Variants in GAB1 observed in about 807,000 individuals in gnomAD.
GAB1 encodes GRB2 associated binding protein 1.
GAB1 carries 19 observed loss-of-function variants against 66.5 expected under a neutral mutation model. The observed-to-expected ratio is 0.29, with a 90% CI of 0.20 to 0.42. The LOEUF is 0.42. Ranked by LOEUF, GAB1 falls within the 10% of genes least tolerant of loss-of-function variation. The probability of loss-of-function intolerance (pLI) is 1.00; values close to 1 mark genes in which losing one functional copy is unlikely to be tolerated. For missense variants in GAB1, 732 were observed against 858.5 expected (o/e 0.85, Z 1.84); for synonymous variants, 294 against 301.4 (o/e 0.98, Z 0.25).
chr4:143,438,271 C>T lies in GAB1; in HGVS notation c.866C>T (p.Thr289Ile). 6.2e-7 allele frequency: 1 copy of T among 1,613,936 alleles called. No homozygotes were observed. Among genetic ancestry groups the T allele is most frequent in the Non-Finnish European group, 8.5e-7 (1 of 1,179,888 alleles). ...EADGELYVFN[T>I]PSGTSSVETQ... ...GATGGAGAACTCTATGTTTTTAATACCCCATCTGGGACATCGAGTGTAGAG... is the reference window on the plus strand; with the variant it reads ...GATGGAGAACTCTATGTTTTTAATATCCCATCTGGGACATCGAGTGTAGAG... The change falls in exon 4 of 10, where the codon ACC becomes ATC. Residue 289 changes from threonine to isoleucine, a missense_variant. Physicochemically the swap from Thr to Ile is moderately conservative, Grantham distance 89. Coordinates refer to ENST00000262994, the MANE Select transcript of GAB1 (RefSeq NM_002039.4).
intron 1 of GAB1, among the ~76,000 whole-genome samples, chr4:143,387,402 A>G (rs1318281821): frequency 2.0e-5 from 3 of 152,212 alleles, no homozygotes; most frequent in Non-Finnish European, 1.5e-5. Context: ...AAGCACTGGG[A>G]TAACAGGCGT....
rs990609934 is a variant in GAB1 at position 143,473,456 on chromosome 4, T to A, written c.*4267T>A. 1 of 152,182 alleles carries A rather than the reference T, an allele frequency of 6.6e-6. No individual in the cohort carries two copies. Among genetic ancestry groups the A allele is most frequent in the Non-Finnish European group, 1.5e-5 (1 of 68,032 alleles). 9.4% of individuals were successfully genotyped at this position (152,182 alleles called of 1,614,324 possible). Reference sequence around the variant, plus strand: ...TGCTTCCCAGTCCCACCTCTATATGTCACTCATTTTCTGCAACAAAGATCT... The same window carrying A: ...TGCTTCCCAGTCCCACCTCTATATGACACTCATTTTCTGCAACAAAGATCT... On this transcript the variant is annotated 3_prime_UTR_variant, in exon 10 of 10. Transcript: ENST00000262994.
intron 8 of GAB1, among the ~76,000 whole-genome samples, chr4:143,464,600 A>G (rs1030642274): frequency 1.9e-4 from 29 of 152,152 alleles, no homozygotes; most frequent in Admixed American, 1.8e-3. Context: ...TGTTTCTTCA[A>G]GTAGGAATAT....
intron 1 of GAB1, among the ~76,000 whole-genome samples, chr4:143,386,618 G>C (rs1730929864): frequency 6.6e-6 from 1 of 152,094 alleles, no homozygotes; most frequent in Admixed American, 6.6e-5. Flanking sequence ...AAACTTCTGG[G>C]CTCAAGCAAT....
chr4:143,381,547 G>C (rs561172021), intron 1 of GAB1, among the ~76,000 whole-genome samples: 1 of 152,270 alleles, frequency 6.6e-6, no homozygotes, highest in African/African-American at 2.4e-5. Flanking sequence ...TTCCTTATCT[G>C]TAAACTGAGA....
intron 2 of GAB1, among the ~76,000 whole-genome samples, chr4:143,419,513 A>G (rs1732898889): frequency 6.6e-6 from 1 of 152,090 alleles, no homozygotes; most frequent in Non-Finnish European, 1.5e-5. Flanking sequence ...CATGGTTGGG[A>G]AAGGGTTGTA....
chr4:143,368,843 G>A (rs1259587634), intron 1 of GAB1, among the ~76,000 whole-genome samples: 2 of 151,994 alleles, frequency 1.3e-5, no homozygotes, highest in African/African-American at 2.4e-5. Flanking sequence ...GGAGCACTAT[G>A]GCGCCATCTT....
intron 1 of GAB1, among the ~76,000 whole-genome samples, chr4:143,371,057 T>C (rs1374908849): frequency 2.0e-5 from 3 of 152,228 alleles, no homozygotes; most frequent in African/African-American, 7.2e-5. Flanking sequence ...CCTTTGGGTA[T>C]ATACCCAGTA....
chr4:143,342,951 A>T lies in GAB1; in HGVS notation c.72+5691A>T, dbSNP rs183309065. ...ACAGCCAGAAGGAGCATTGTAGTAG[A>T]TGGGCTACTACTTTACTTTTGAAGA... On this transcript the variant is annotated intron_variant, in intron 1 of 9. Transcript: ENST00000262994. Among the ~76,000 whole-genome samples the T allele has an allele frequency of 3.1e-3, 467 of 152,246 alleles. 5 individuals carry two copies. Among genetic ancestry groups the T allele is most frequent in the Non-Finnish European group, 3.2e-3 (216 of 68,014 alleles).
intron 2 of GAB1, chr4:143,425,392 GGA>G: frequency 5.3e-6 from 4 of 759,446 alleles, no homozygotes; most frequent in Non-Finnish European, 9.6e-6. Context: ...CAGCCTTCTG[GGA>G]GCCATGGCTT....
At chr4:143,432,519 T>G (rs913114926) in intron 2 of GAB1, among the ~76,000 whole-genome samples, 1 of 152,174 alleles carries the variant, frequency 6.6e-6, no homozygotes, top group African/African-American at 2.4e-5. Context: ...GGGGTCTTTC[T>G]AACAGATTGA....
chr4:143,378,441 AATT>A (rs1730507092), intron 1 of GAB1, among the ~76,000 whole-genome samples: 1 of 152,184 alleles, frequency 6.6e-6, no homozygotes, highest in Non-Finnish European at 1.5e-5. Context: ...TTCTTTTCTT[AATT>A]ATGAAAATCT....
At chr4:143,420,714 G>A (rs1732965801) in intron 2 of GAB1, among the ~76,000 whole-genome samples, 1 of 152,042 alleles carries the variant, frequency 6.6e-6, no homozygotes, top group Non-Finnish European at 1.5e-5. Context: ...TGCAGGATTA[G>A]AAAGTTGCCT....
intron 6 of GAB1, among the ~76,000 whole-genome samples, chr4:143,448,152 G>T (rs1194750509): frequency 1.3e-5 from 2 of 151,854 alleles, no homozygotes; most frequent in African/African-American, 4.9e-5. Context: ...ACTTGATCAT[G>T]GTGGATAAGC....
At chr4:143,392,945 A>G (rs777805213) in intron 1 of GAB1, among the ~76,000 whole-genome samples, 22 of 152,248 alleles carry the variant, frequency 1.4e-4, no homozygotes, top group Non-Finnish European at 2.2e-4. Flanking sequence ...TGATAGCAGT[A>G]CCTTTTTCAT....
chr4:143,353,659 A>G (rs1729319709), intron 1 of GAB1, among the ~76,000 whole-genome samples: 1 of 149,534 alleles, frequency 6.7e-6, no homozygotes, highest in African/African-American at 2.5e-5. Context: ...GTAACCTTGG[A>G]GAGAGATCCT....
intron 1 of GAB1, 119 bp from the exon 2 acceptor site, chr4:143,415,358 C>A: frequency 1.3e-6 from 1 of 782,866 alleles, no homozygotes. Flanking sequence ...CACACAAACA[C>A]ACACATATTG....
intron 2 of GAB1, among the ~76,000 whole-genome samples, chr4:143,431,231 C>G (rs1733634966): frequency 6.6e-6 from 1 of 152,168 alleles, no homozygotes; most frequent in Non-Finnish European, 1.5e-5. Flanking sequence ...GCCTAATAAA[C>G]AGTTATAACT....
chr4:143,440,722 C>G (rs1734183957), intron 6 of GAB1, among the ~76,000 whole-genome samples: 1 of 152,182 alleles, frequency 6.6e-6, no homozygotes, highest in Admixed American at 6.5e-5. Flanking sequence ...TGCTACAATC[C>G]TTTGTTGACT....
Sources: gnomAD v4.1 joint callset for allele counts (sites outside exome capture counted in the v4.1 genomes callset) on GRCh38, gnomAD v4.1.1 for gene constraint, MANE v1.5 for transcripts, NCBI Gene and HGNC (gene_info 2026-07-23, HGNC 2026-07-21) for gene names.